The following TTC6 variants were observed in gnomAD, a reference collection of about 807,000 sequenced individuals.
TTC6 encodes the protein tetratricopeptide repeat protein 6.
TTC6 carries 172 observed loss-of-function variants against 210.4 expected under a neutral mutation model. That is an observed-to-expected ratio of 0.82 (90% confidence interval 0.72 to 0.93). TTC6 has a LOEUF of 0.93. TTC6 is among the 40% of genes least tolerant of loss of function. The probability of loss-of-function intolerance (pLI) is 0.00; values close to 1 mark genes in which losing one functional copy is unlikely to be tolerated. For missense variants in TTC6, 2,414 were observed against 2,318.1 expected, an observed-to-expected ratio of 1.04 and a Z score of -0.85; for synonymous variants, 804 against 819.6, an observed-to-expected ratio of 0.98 and a Z score of 0.32.
At chr14:37,751,706 TA>T (rs1269313149) in intron 13 of TTC6, among the ~76,000 whole-genome samples, 1 of 152,162 alleles carries the variant, frequency 6.6e-6, no homozygotes, top group Admixed American at 6.6e-5. Flanking sequence ...ATTTATTTAC[TA>T]TTATAAATTA....
intron 5 of TTC6, among the ~76,000 whole-genome samples, chr14:37,714,449 A>G (rs2095849311): frequency 6.6e-6 from 1 of 152,116 alleles, no homozygotes; most frequent in Non-Finnish European, 1.5e-5. Flanking sequence ...CATCATAAAT[A>G]TTACTACTAA....
chr14:37,600,125 G>A (rs749932140), intron 1 of TTC6, among the ~76,000 whole-genome samples: 1 of 152,214 alleles, frequency 6.6e-6, no homozygotes, highest in African/African-American at 2.4e-5. Context: ...TGGAAAATTA[G>A]AGGGAAACGT....
intron 1 of TTC6, among the ~76,000 whole-genome samples, chr14:37,625,520 C>CCT (rs2095658807): frequency 6.7e-6 from 1 of 149,880 alleles, no homozygotes. Flanking sequence ...TGGACTCCAG[C>CCT]CTGGGGGACA....
At chr14:37,681,784 G>A (rs369469859) in intron 2 of TTC6, among the ~76,000 whole-genome samples, 12 of 152,212 alleles carry the variant, frequency 7.9e-5, no homozygotes, top group Non-Finnish European at 1.5e-4. Flanking sequence ...GACTTGGACC[G>A]AGTCACTATT....
At chr14:37,603,358 C>T (rs1034490482) in intron 1 of TTC6, among the ~76,000 whole-genome samples, 2 of 152,186 alleles carry the variant, frequency 1.3e-5, no homozygotes, top group African/African-American at 4.8e-5. Flanking sequence ...AGAGTCAGCC[C>T]TGACGACCTC....
intron 28 of TTC6, 59 bp downstream of exon 30, chr14:37,826,406 G>A (rs2096171706): frequency 7.3e-7 from 1 of 1,364,476 alleles, no homozygotes; most frequent in South Asian, 1.7e-5. Flanking sequence ...CAATGAATAG[G>A]TGCAAGTAAG....
chr14:37,804,634 G>A, intron 20 of TTC6, 46 bp from the exon 23 acceptor site: 1 of 1,595,276 alleles, frequency 6.3e-7, no homozygotes, highest in Non-Finnish European at 8.5e-7. Context: ...AATCAATAGT[G>A]GAAAGAAACA....
At chr14:37,650,809 T>C (rs911380652) in intron 1 of TTC6, among the ~76,000 whole-genome samples, 3 of 152,212 alleles carry the variant, frequency 2.0e-5, no homozygotes, top group Non-Finnish European at 2.9e-5. Context: ...CTGGATCCTT[T>C]GCAAATCAGA....
exon 23 of TTC6, chr14:37,807,364 T>C: frequency 6.5e-7 from 1 of 1,530,712 alleles, no homozygotes; most frequent in East Asian, 2.4e-5. Flanking sequence ...AAGGCAGGTA[T>C]TCCAAAGCAA....
chr14:37,795,933 G>T (rs115680134), intron 18 of TTC6, among the ~76,000 whole-genome samples: 2,893 of 152,208 alleles, frequency 0.019, 81 homozygotes, highest in African/African-American at 0.06. Context: ...ATAAGGGCTT[G>T]CTTTGTCCTT....
intron 29 of TTC6, among the ~76,000 whole-genome samples, chr14:37,838,551 A>T (rs1183241804): frequency 6.6e-6 from 1 of 152,002 alleles, no homozygotes; most frequent in Admixed American, 6.6e-5. Flanking sequence ...ATACCTTTTT[A>T]TGGTGTAACT....
intron 6 of TTC6, among the ~76,000 whole-genome samples, chr14:37,715,077 G>C (rs374121056): frequency 1.4e-4 from 21 of 152,222 alleles, no homozygotes; most frequent in African/African-American, 5.1e-4. Context: ...GCTAAGATGA[G>C]GGAATCACTT....
At chr14:37,602,571 CG>C (rs1566832161) in intron 1 of TTC6, among the ~76,000 whole-genome samples, 1 of 152,166 alleles carries the variant, frequency 6.6e-6, no homozygotes, top group African/African-American at 2.4e-5. Context: ...TGCGATCCTC[CG>C]CCGCATCTGG....
intron 14 of TTC6, among the ~76,000 whole-genome samples, chr14:37,778,838 A>T (rs2096046246): frequency 6.6e-6 from 1 of 152,114 alleles, no homozygotes; most frequent in Non-Finnish European, 1.5e-5. Flanking sequence ...AGGGCACTCA[A>T]GTTGGACTGG....
chr14:37,630,071 C>G (rs1012123650), intron 1 of TTC6, among the ~76,000 whole-genome samples: 7 of 152,120 alleles, frequency 4.6e-5, no homozygotes, highest in Non-Finnish European at 8.8e-5. Context: ...TTTCGTGTCT[C>G]TGCCTCCTTT....
intron 20 of TTC6, 51 bp from the exon 23 acceptor site, chr14:37,804,629 A>G (rs763906264): frequency 1.9e-6 from 3 of 1,591,632 alleles, no homozygotes; most frequent in Middle Eastern, 1.7e-4. Context: ...CGTTAAATCA[A>G]TAGTGGAAAG....
exon 7 of TTC6, chr14:37,724,983 C>A: frequency 6.6e-7 from 1 of 1,518,566 alleles, no homozygotes; most frequent in Non-Finnish European, 8.8e-7. Context: ...ATGAAGGAAA[C>A]TCTATATCCA....
Position 37,823,963 on chromosome 14 carries a change from A to G in TTC6, c.4974+6A>G. The G allele has an allele frequency of 1.2e-6, 2 of 1,612,568 alleles. No homozygotes were observed. The highest frequency in any genetic ancestry group is 3.3e-5 in the Admixed American group (2 of 59,984). ...GTTTTGGCTATAATTTGCAGGTAAT[A>G]TAGCAACATTTTGAGCATTAAAAGC... On this transcript the variant is annotated splice_donor_region_variant and intron_variant, in intron 27 of 30. Transcript: ENST00000553443.
chr14:37,688,903 A>T (rs1352203891), intron 3 of TTC6, among the ~76,000 whole-genome samples: 1 of 152,188 alleles, frequency 6.6e-6, no homozygotes, highest in Middle Eastern at 3.2e-3. Flanking sequence ...ATGCCAAGAC[A>T]CAGACAGATA....
Sources: allele counts gnomAD v4.1 joint callset (sites outside exome capture counted in the v4.1 genomes callset), GRCh38; gene constraint gnomAD v4.1.1; transcripts MANE v1.5; gene names NCBI Gene and HGNC (gene_info 2026-07-23, HGNC 2026-07-21).